The following ITPR2 variants were observed in gnomAD, a reference collection of about 807,000 sequenced individuals.
The protein encoded by ITPR2 is inositol 1,4,5-trisphosphate-gated calcium channel ITPR2.
ITPR2 carries 207 observed loss-of-function variants against 317.1 expected under a neutral mutation model. The observed-to-expected ratio is 0.65, with a 90% CI of 0.58 to 0.73. The LOEUF is 0.73. ITPR2 is among the 30% of genes least tolerant of loss of function. The probability of loss-of-function intolerance (pLI) is 0.00; values close to 1 mark genes in which losing one functional copy is unlikely to be tolerated. For missense variants in ITPR2, 2,613 were observed against 3,284.0 expected, an observed-to-expected ratio of 0.80 and a Z score of 4.99; for synonymous variants, 1,156 against 1,149.1, an observed-to-expected ratio of 1.01 and a Z score of -0.12.
chr12:26,646,646 G>A (rs973924399), intron 21 of ITPR2, among the ~76,000 whole-genome samples: 5 of 152,076 alleles, frequency 3.3e-5, no homozygotes, highest in Admixed American at 6.6e-5. Context: ...TAAGTCACTC[G>A]GGACAGCAGA....
intron 2 of ITPR2, among the ~76,000 whole-genome samples, chr12:26,782,049 G>GT (rs1950104344): frequency 5.2e-5 from 4 of 76,344 alleles, no homozygotes; most frequent in African/African-American, 2.0e-4. Flanking sequence ...GAGAGAGAGA[G>GT]AGAGAGAGAG....
chr12:26,609,407 G>A (rs1946213080), intron 26 of ITPR2, among the ~76,000 whole-genome samples: 1 of 152,128 alleles, frequency 6.6e-6, no homozygotes, highest in South Asian at 2.1e-4. Flanking sequence ...AAGAGTTCAA[G>A]ACCAGCCTGG....
At chr12:26,819,746 G>A (rs529447450) in intron 1 of ITPR2, among the ~76,000 whole-genome samples, 2 of 151,516 alleles carry the variant, frequency 1.3e-5, no homozygotes, top group East Asian at 3.9e-4. Flanking sequence ...CTTTAATGTG[G>A]CTATAGCATG....
intron 37 of ITPR2, among the ~76,000 whole-genome samples, chr12:26,528,380 T>A (rs1843224): frequency 6.6e-6 from 1 of 152,058 alleles, no homozygotes; most frequent in African/African-American, 2.4e-5. Flanking sequence ...CTTGTATGTT[T>A]GAGGAACACT....
chr12:26,411,538 C>G (rs564713730), intron 51 of ITPR2, 126 bp from the exon 52 acceptor site: 1 of 638,652 alleles, frequency 1.6e-6, no homozygotes, highest in African/African-American at 1.8e-5. Context: ...TTCCTAAAGT[C>G]CTAGGAAGTT....
intron 1 of ITPR2, among the ~76,000 whole-genome samples, chr12:26,797,420 T>G (rs1390382034): frequency 6.6e-6 from 1 of 152,210 alleles, no homozygotes; most frequent in Non-Finnish European, 1.5e-5. Flanking sequence ...TTTTCTCTGA[T>G]GAAGCCATAA....
intron 2 of ITPR2, among the ~76,000 whole-genome samples, chr12:26,767,723 A>G (rs574797910): frequency 3.6e-4 from 55 of 152,360 alleles, no homozygotes; most frequent in Non-Finnish European, 6.2e-4. Flanking sequence ...GTCATTAAAT[A>G]TTACCTGAAA....
intron 2 of ITPR2, among the ~76,000 whole-genome samples, chr12:26,742,104 A>G (rs138298493): frequency 1.3e-5 from 2 of 152,328 alleles, no homozygotes; most frequent in Non-Finnish European, 2.9e-5. Flanking sequence ...GAGGACAGAT[A>G]AAGAAAAAGA....
chr12:26,498,042 A>G (rs578114144), intron 37 of ITPR2, among the ~76,000 whole-genome samples: 45 of 152,266 alleles, frequency 3.0e-4, no homozygotes, highest in South Asian at 1.0e-3. Flanking sequence ...GGTCAGTGCC[A>G]AGAATTCTAA....
chr12:26,683,625 C>T (rs1948076929), intron 11 of ITPR2, among the ~76,000 whole-genome samples: 1 of 152,154 alleles, frequency 6.6e-6, no homozygotes, highest in Non-Finnish European at 1.5e-5. Flanking sequence ...ATGTATTCGT[C>T]AACAAAAATG....
Position 26,725,771 on chromosome 12 carries a change from A to T in ITPR2, c.164-6T>A. On this transcript the variant is annotated splice_polypyrimidine_tract_variant and splice_region_variant and intron_variant, in intron 2 of 56. Transcript: ENST00000381340. ...GCACACCTTGAAAAGGCAGTCTGTG[A>T]CAAACCAACATACAAAAACACTGTA... The T allele has an allele frequency of 6.4e-7, 1 of 1,573,118 alleles. No individual in the cohort carries two copies. Among genetic ancestry groups the T allele is most frequent in the Non-Finnish European group, 8.7e-7 (1 of 1,143,272 alleles).
chr12:26,781,421 T>G (rs546941246), intron 2 of ITPR2, among the ~76,000 whole-genome samples: 1 of 152,350 alleles, frequency 6.6e-6, no homozygotes, highest in East Asian at 1.9e-4. Context: ...TCCTTTATTA[T>G]GTGACATAAG....
At chr12:26,344,447 T>G (rs1009031793) in intron 55 of ITPR2, among the ~76,000 whole-genome samples, 1 of 152,146 alleles carries the variant, frequency 6.6e-6, no homozygotes, top group African/African-American at 2.4e-5. Context: ...AAGAAACAGA[T>G]GCAAAACCTT....
chr12:26,742,739 G>A (rs573353637), intron 2 of ITPR2, among the ~76,000 whole-genome samples: 14 of 151,860 alleles, frequency 9.2e-5, no homozygotes, highest in African/African-American at 2.7e-4. Context: ...CCTTGAACCC[G>A]GAAGCAGAGG....
chr12:26,717,245 T>C (rs973862240), intron 5 of ITPR2, among the ~76,000 whole-genome samples: 1 of 152,194 alleles, frequency 6.6e-6, no homozygotes, highest in African/African-American at 2.4e-5. Context: ...CAGGATTCAG[T>C]CGATATGAAT....
intron 5 of ITPR2, among the ~76,000 whole-genome samples, chr12:26,719,148 G>A (rs1315389689): frequency 6.6e-6 from 1 of 152,176 alleles, no homozygotes; most frequent in East Asian, 1.9e-4. Context: ...ATATTAAGAA[G>A]TTCCAGGGAG....
intron 1 of ITPR2, among the ~76,000 whole-genome samples, chr12:26,827,362 A>T (rs1002660861): frequency 6.6e-6 from 1 of 152,218 alleles, no homozygotes; most frequent in African/African-American, 2.4e-5. Context: ...ATACAGGTAA[A>T]GGATAATGGG....
At chr12:26,723,765 G>C (rs1234261591) in intron 4 of ITPR2, among the ~76,000 whole-genome samples, 3 of 152,164 alleles carry the variant, frequency 2.0e-5, no homozygotes, top group African/African-American at 7.2e-5. Flanking sequence ...TAAGGAAGCT[G>C]TCAAGGCTAT....
chr12:26,434,480 T>G (rs1264312837), intron 48 of ITPR2, among the ~76,000 whole-genome samples: 1 of 152,190 alleles, frequency 6.6e-6, no homozygotes, highest in Non-Finnish European at 1.5e-5. Context: ...GGGGTGGCAT[T>G]TCCCATCACT....
Sources: allele counts gnomAD v4.1 joint callset (sites outside exome capture counted in the v4.1 genomes callset), GRCh38; gene constraint gnomAD v4.1.1; transcripts MANE v1.5; gene names NCBI Gene and HGNC (gene_info 2026-07-23, HGNC 2026-07-21).